MMP26: variants seen among roughly 807,000 people sequenced by gnomAD.
MMP26 encodes the protein matrix metallopeptidase 26.
Under a neutral mutation model 31.0 loss-of-function variants are expected in MMP26, and 33 were observed. The ratio of observed to expected loss-of-function variants is 1.06; its 90% CI spans 0.81 to 1.42. The LOEUF (loss-of-function observed/expected upper bound fraction) is 1.42, where lower values mean the gene tolerates loss of function less well. Among genes scored for constraint, MMP26 ranks in the 40% most tolerant of loss-of-function variants. MMP26 has a pLI of 0.00. For synonymous variants in MMP26, 122 were observed against 114.9 expected (o/e 1.06, Z -0.40); for missense variants, 347 against 316.1 (o/e 1.10, Z -0.74).
intron 2 of MMP26, among the ~76,000 whole-genome samples, chr11:4,931,890 A>G (rs977123571): frequency 1.3e-5 from 2 of 152,026 alleles, no homozygotes; most frequent in Admixed American, 1.3e-4. Context: ...CCTTTTAAGG[A>G]GGAAGCATGA....
intron 2 of MMP26, among the ~76,000 whole-genome samples, chr11:4,975,309 T>A (rs1246949014): frequency 6.6e-6 from 1 of 152,020 alleles, no homozygotes; most frequent in East Asian, 1.9e-4. Context: ...ACCAGTATGA[T>A]GGCTGTCTGC....
chr11:4,901,326 A>T (rs916849110), intron 2 of MMP26, among the ~76,000 whole-genome samples: 35 of 151,182 alleles, frequency 2.3e-4, no homozygotes, highest in African/African-American at 7.8e-4. Context: ...CACCTGGCTA[A>T]TTTTTTTGTA....
At position 4,929,514 on chromosome 11, in the gene MMP26, C is replaced by T. The variant is rs569332193; in HGVS notation, c.-144-58554C>T. The stretch of plus-strand genomic sequence containing the variant: ...CTTCAGAACACTGTATATAAAAGTG[C>T]TTATGCACAGCTGCTGAAGGTAGAT... On this transcript the variant is annotated intron_variant, in intron 2 of 7. Coordinates refer to ENST00000380390, the MANE Select transcript of MMP26 (RefSeq NM_021801.5). Among the ~76,000 whole-genome samples, 22 of 152,150 alleles carry T rather than the reference C, an allele frequency of 1.4e-4. No individual in the cohort carries two copies. The Middle Eastern group carries it at 0.014, about 94-fold the overall frequency.
At chr11:4,799,594 C>T (rs1225061603) in intron 2 of MMP26, among the ~76,000 whole-genome samples, 1 of 152,138 alleles carries the variant, frequency 6.6e-6, no homozygotes, top group Non-Finnish European at 1.5e-5. Flanking sequence ...TTATGTCCTT[C>T]TCACGTTGCA....
At chr11:4,722,616 G>T in intron 1 of MMP26, 1 of 609,878 alleles carries the variant, frequency 1.6e-6, no homozygotes. Flanking sequence ...GTGGGCTGAG[G>T]GCTAGGGCTG....
At chr11:4,977,029 C>T (rs1846747178) in intron 2 of MMP26, among the ~76,000 whole-genome samples, 1 of 151,880 alleles carries the variant, frequency 6.6e-6, no homozygotes, top group Admixed American at 6.6e-5. Flanking sequence ...TTTTTAGAGG[C>T]CAGTCTATAT....
At chr11:4,821,177 T>C (rs11034071) in intron 2 of MMP26, 58,343 of 516,708 alleles carry the variant, frequency 0.11, 4,047 homozygotes, top group Middle Eastern at 0.14. Context: ...AGGCTTAATA[T>C]ACTTAAGAAA....
At chr11:4,818,500 C>G (rs2133468573) in intron 2 of MMP26, among the ~76,000 whole-genome samples, 1 of 152,054 alleles carries the variant, frequency 6.6e-6, no homozygotes, top group Non-Finnish European at 1.5e-5. Context: ...AAAAAAGATT[C>G]ATTATATTCT....
At chr11:4,945,381 A>C (rs1403307343) in intron 2 of MMP26, 1 of 152,210 alleles carries the variant, frequency 6.6e-6, no homozygotes, top group Non-Finnish European at 1.5e-5. Flanking sequence ...CTGGAGATTA[A>C]TGAGTATCTG....
Position 4,764,821 on chromosome 11 carries a change from T to C in MMP26, c.-216-2449T>C, listed in dbSNP as rs112137970. Among the ~76,000 whole-genome samples the C allele has an allele frequency of 3.7e-3, 570 of 152,074 alleles. 2 individuals carry two copies. Among genetic ancestry groups the C allele is most frequent in the African/African-American group, 0.013 (555 of 41,456 alleles). Reference sequence around the variant, plus strand: ...CCGGGAGGTGGAGCTTGCAGTGAGCTGAGATCGCGCAGCGCCACTGCACCC... The same window carrying C: ...CCGGGAGGTGGAGCTTGCAGTGAGCCGAGATCGCGCAGCGCCACTGCACCC... On this transcript the variant is annotated intron_variant, in intron 1 of 7. Coordinates refer to ENST00000380390, the MANE Select transcript of MMP26 (RefSeq NM_021801.5).
intron 2 of MMP26, chr11:4,973,695 A>T (rs1183113061): frequency 5.6e-6 from 1 of 178,022 alleles, no homozygotes; most frequent in East Asian, 1.7e-4. Context: ...ATGGAGAGAA[A>T]ATAGTACATG....
Position 4,822,214 on chromosome 11 carries a change from C to T in MMP26, c.-145+54873C>T, listed in dbSNP as rs760483116. On this transcript the variant is annotated intron_variant, in intron 2 of 7. Coordinates refer to ENST00000380390, the MANE Select transcript of MMP26 (RefSeq NM_021801.5). ...TCTCATCAGTTTGTCTCTTGTCCAT[C>T]GCTATGGCCATTCAGCACCTCCATT... 1.3e-5 allele frequency: 20 copies of T among 1,587,470 alleles called. No individual in the cohort carries two copies. Among genetic ancestry groups the T allele is most frequent in the Admixed American group, 1.0e-4 (6 of 57,500 alleles).
intron 2 of MMP26, chr11:4,924,391 A>G: frequency 6.6e-7 from 1 of 1,525,430 alleles, no homozygotes; most frequent in South Asian, 1.3e-5. Flanking sequence ...AGATTCCTGG[A>G]AAGTGACAAG....
chr11:4,922,055 G>A (rs34280136), intron 2 of MMP26, among the ~76,000 whole-genome samples: 12,940 of 152,110 alleles, frequency 0.085, 787 homozygotes, highest in Non-Finnish European at 0.12. Flanking sequence ...ACTATGTCCA[G>A]GTGTAAACAT....
intron 1 of MMP26, among the ~76,000 whole-genome samples, chr11:4,733,511 T>A (rs1415449809): frequency 6.6e-6 from 1 of 152,204 alleles, no homozygotes; most frequent in Non-Finnish European, 1.5e-5. Flanking sequence ...TTGCTTTTTT[T>A]ATTTATCTCT....
intron 2 of MMP26, chr11:4,955,727 G>T (rs747411980): frequency 1.9e-6 from 3 of 1,567,520 alleles, no homozygotes; most frequent in Admixed American, 1.7e-5. Context: ...TCATTCATAG[G>T]GCTCTGCTAT....
At chr11:4,808,665 T>A (rs1849309960) in intron 2 of MMP26, among the ~76,000 whole-genome samples, 1 of 151,994 alleles carries the variant, frequency 6.6e-6, no homozygotes, top group African/African-American at 2.4e-5. Context: ...GACTCCCCAG[T>A]AGGCTTTTCA....
rs535968364 is a variant in MMP26 at position 4,819,089 on chromosome 11, G to GA, written c.-145+51752dup. ...TTATGAAAGTTATAGCCTTTATACA[G>GA]AAAATGGTATAGGAGGAAAAACAGT... On this transcript the variant is annotated intron_variant, in intron 2 of 7. Coordinates refer to ENST00000380390, the MANE Select transcript of MMP26 (RefSeq NM_021801.5). 1.6e-3 allele frequency among the ~76,000 whole-genome samples: 245 copies of GA among 152,244 alleles called. 2 individuals are homozygous for GA. The Middle Eastern group carries it at 0.044, about 27-fold the overall frequency.
intron 2 of MMP26, chr11:4,848,395 C>T (rs774692080): frequency 1.9e-6 from 3 of 1,613,934 alleles, no homozygotes; most frequent in East Asian, 2.2e-5. Context: ...ATTGGCAGCT[C>T]AGGATGGTTA....
Sources: gnomAD v4.1 joint callset for allele counts (sites outside exome capture counted in the v4.1 genomes callset) on GRCh38, gnomAD v4.1.1 for gene constraint, MANE v1.5 for transcripts, NCBI Gene and HGNC (gene_info 2026-07-23, HGNC 2026-07-21) for gene names.